Variants in ANKRD11 observed in about 807,000 individuals in gnomAD.
The protein encoded by ANKRD11 is ankyrin repeat domain 11, also known as ankyrin repeat domain-containing protein 11.
Under a neutral mutation model 195.7 loss-of-function variants are expected in ANKRD11, and 17 were observed. The observed-to-expected ratio is 0.09, with a 90% CI of 0.06 to 0.13. The LOEUF (loss-of-function observed/expected upper bound fraction) is 0.13, where lower values mean the gene tolerates loss of function less well. Ranked by LOEUF, ANKRD11 falls within the 10% of genes least tolerant of loss-of-function variation. The pLI, the probability that ANKRD11 is intolerant of heterozygous loss-of-function variation, is 1.00. For synonymous variants in ANKRD11, 1,953 were observed against 1,528.1 expected (o/e 1.28, Z -6.49); for missense variants, 3,735 against 3,566.1 (o/e 1.05, Z -1.21).
intron 2 of ANKRD11, among the ~76,000 whole-genome samples, chr16:89,403,295 T>C (rs1318112449): frequency 6.6e-6 from 1 of 152,166 alleles, no homozygotes; most frequent in African/African-American, 2.4e-5. Flanking sequence ...TGAGCAATCC[T>C]GTGTGGCCTG....
chr16:89,427,902 A>T (rs1042395936), intron 1 of ANKRD11, among the ~76,000 whole-genome samples: 2 of 152,120 alleles, frequency 1.3e-5, no homozygotes, highest in Non-Finnish European at 2.9e-5. Context: ...CAGTTTTTTT[A>T]AACTCTTTAG....
chr16:89,469,019 C>A (rs576116277), intron 1 of ANKRD11, among the ~76,000 whole-genome samples: 5 of 152,138 alleles, frequency 3.3e-5, no homozygotes, highest in African/African-American at 1.2e-4. Context: ...CTTCCTCAAC[C>A]TCATAAAGTG....
At position 89,282,356 on chromosome 16, in the gene ANKRD11, A is replaced by T; in HGVS notation, c.4186T>A (p.Phe1396Ile). 6.2e-7 allele frequency: 1 copy of T among 1,614,204 alleles called. No individual in the cohort carries two copies. Among genetic ancestry groups the T allele is most frequent in the South Asian group, 1.1e-5 (1 of 91,080 alleles). The change falls in exon 9 of 13, where the codon TTC becomes ATC. Residue 1396 changes from phenylalanine to isoleucine, a missense_variant. Transcript: ENST00000301030. ...ACTCCGTAAGCATCCGCCTCCAGGA[A>T]GTCCTTTTCGTACTGGCCGGAGTCC... ...RKDSGQYEKD[F>I]LEADAYGVSY...
intron 1 of ANKRD11, chr16:89,488,902 A>G (rs1482376087): frequency 6.6e-6 from 1 of 152,208 alleles, no homozygotes; most frequent in Non-Finnish European, 1.5e-5. Context: ...AAAACTACTC[A>G]TAATCTACAA....
At chr16:89,305,448 A>T (rs1361858069) in intron 3 of ANKRD11, 104 bp from the exon 4 acceptor site, 9 of 1,492,594 alleles carry the variant, frequency 6.0e-6, no homozygotes, top group Non-Finnish European at 6.4e-6. Flanking sequence ...TTATTTGGGC[A>T]ATGAACACCC....
chr16:89,342,435 G>A (rs2152000946), intron 2 of ANKRD11, among the ~76,000 whole-genome samples: 1 of 152,350 alleles, frequency 6.6e-6, no homozygotes, highest in Middle Eastern at 3.4e-3. Flanking sequence ...CAATACTCTG[G>A]ACCAGGTTTG....
chr16:89,293,136 C>T (rs965243648), intron 4 of ANKRD11, among the ~76,000 whole-genome samples: 2 of 152,198 alleles, frequency 1.3e-5, no homozygotes, highest in African/African-American at 4.8e-5. Context: ...TCCCCAAGAC[C>T]TAGCCACGCA....
intron 3 of ANKRD11, among the ~76,000 whole-genome samples, chr16:89,306,887 C>G (rs1232708533): frequency 6.6e-6 from 1 of 150,882 alleles, no homozygotes; most frequent in East Asian, 2.0e-4. Flanking sequence ...TCCACAGACA[C>G]GCGCCACCTA....
rs765022584 is a variant in ANKRD11 at position 89,284,901 on chromosome 16, C to A, written c.1641G>T (p.Arg547=). The A allele has an allele frequency of 6.2e-7, 1 of 1,614,172 alleles. No homozygotes were observed. Among genetic ancestry groups the A allele is most frequent in the Non-Finnish European group, 8.5e-7 (1 of 1,180,040 alleles). ...SHTDQHTKHW[R]TDNWKTISSP... ...AAGAAATGGTTTTCCAATTGTCTGT[C>A]CGCCAGTGCTTGGTGTGCTGGTCTG... is the stretch of plus-strand genomic sequence containing the variant. Residue 547 remains arginine (R), a synonymous_variant, in exon 9 of 13, where the codon CGG becomes CGT. Coordinates refer to ENST00000301030, the MANE Select transcript of ANKRD11 (RefSeq NM_013275.6).
intron 1 of ANKRD11, among the ~76,000 whole-genome samples, chr16:89,420,825 T>C (rs549630747): frequency 3.3e-5 from 5 of 152,282 alleles, no homozygotes; most frequent in African/African-American, 1.2e-4. Flanking sequence ...CAAGGGGTCC[T>C]CCCACCTCAG....
At chr16:89,432,305 C>T (rs763772155) in intron 1 of ANKRD11, among the ~76,000 whole-genome samples, 2 of 150,894 alleles carry the variant, frequency 1.3e-5, no homozygotes, top group East Asian at 2.0e-4. Context: ...CTTCACAGGA[C>T]GAAAGCTTCC....
intron 2 of ANKRD11, among the ~76,000 whole-genome samples, chr16:89,353,876 AGCAGCCTCT>A (rs2039336972): frequency 1.3e-5 from 2 of 152,248 alleles, no homozygotes; most frequent in South Asian, 4.1e-4. Context: ...AACAAGACAG[AGCAGCCTCT>A]GCAGCCTCTC....
rs866614701 is a variant in ANKRD11, at chr16:89,291,681, C to T, written c.227-498G>A. On this transcript the variant is annotated intron_variant, in intron 4 of 12. Coordinates refer to ENST00000301030, the MANE Select transcript of ANKRD11 (RefSeq NM_013275.6). The surrounding 1 kb of genome is among the most constrained non-coding windows in gnomAD (Gnocchi z 5.3). ...CAAGGCCAACTGGTCAGTACTGTAC[C>T]TTTCTTCTTGCTTCTAGGAACCTCC... 4 of 1,290,096 alleles carry T rather than the reference C, an allele frequency of 3.1e-6. No homozygotes were observed. Among genetic ancestry groups the T allele is most frequent in the Non-Finnish European group, 4.0e-6 (4 of 989,162 alleles). The allele number at this position is 1,290,096 out of a possible 1,614,324, so 79.9% of individuals were successfully genotyped here.
chr16:89,352,112 A>C (rs1179519479), intron 2 of ANKRD11, among the ~76,000 whole-genome samples: 3 of 152,058 alleles, frequency 2.0e-5, no homozygotes, highest in Non-Finnish European at 4.4e-5. Context: ...ATTGGTCTCA[A>C]ACTCCTGACC....
intron 1 of ANKRD11, among the ~76,000 whole-genome samples, chr16:89,464,619 A>AG (rs1386314544): frequency 4.6e-5 from 7 of 151,498 alleles, no homozygotes; most frequent in East Asian, 1.9e-4. Flanking sequence ...AAAAAAAAAA[A>AG]AAAAGAAAAG....
Position 89,284,134 on chromosome 16 carries a change from T to C in ANKRD11, c.2408A>G (p.Lys803Arg). Residue 803 changes from lysine to arginine, a missense_variant, in exon 9 of 13, where the codon AAA becomes AGA. Physicochemically the swap from Lys to Arg is conservative, Grantham distance 26 (BLOSUM62 2). Coordinates refer to ENST00000301030, the MANE Select transcript of ANKRD11 (RefSeq NM_013275.6). ...ATCTTCCCTATAAACCTTTTCTTTT[T>C]TGAGTTTTTCTTTATCTTCTTTAAA... Reference protein sequence around the residue: ...KIFKEDKEKLKKEKVYREDSA... With the variant: ...KIFKEDKEKLRKEKVYREDSA... 2 of 1,608,148 alleles carry C rather than the reference T, an allele frequency of 1.2e-6. No homozygotes were observed. The highest frequency in any genetic ancestry group is 1.1e-5 in the South Asian group (1 of 88,780).
intron 1 of ANKRD11, among the ~76,000 whole-genome samples, chr16:89,446,432 C>A (rs2043795594): frequency 6.6e-6 from 1 of 152,078 alleles, no homozygotes; most frequent in Non-Finnish European, 1.5e-5. Flanking sequence ...AGCAAAACCC[C>A]ATCTCTACAA....
chr16:89,378,398 T>C (rs369002323), intron 2 of ANKRD11, among the ~76,000 whole-genome samples: 1 of 152,228 alleles, frequency 6.6e-6, no homozygotes, highest in African/African-American at 2.4e-5. Context: ...TCAACGTGTA[T>C]GTCAACCATA....
At chr16:89,352,899 G>A (rs764987970) in intron 2 of ANKRD11, among the ~76,000 whole-genome samples, 4 of 152,020 alleles carry the variant, frequency 2.6e-5, no homozygotes, top group South Asian at 2.1e-4. Flanking sequence ...TCTACTTCAC[G>A]GCATGTTTAA....
Sources: allele counts gnomAD v4.1 joint callset (sites outside exome capture counted in the v4.1 genomes callset), GRCh38; gene constraint gnomAD v4.1.1; non-coding constraint Gnocchi (gnomAD v3.1); transcripts MANE v1.5; gene names NCBI Gene and HGNC (gene_info 2026-07-23, HGNC 2026-07-21).